Variants in USF2 observed in about 807,000 individuals in gnomAD.
USF2 encodes upstream transcription factor 2, c-fos interacting.
A neutral mutation model predicts 46.9 loss-of-function variants in USF2; 16 were observed. The observed-to-expected ratio is 0.34, with a 90% CI of 0.23 to 0.52. The LOEUF (loss-of-function observed/expected upper bound fraction) is 0.52. USF2 is among the 20% of genes least tolerant of loss of function. USF2 has a pLI of 0.96. For synonymous variants in USF2, 239 were observed against 194.1 expected (o/e 1.23, Z -1.92); for missense variants, 411 against 474.0 (o/e 0.87, Z 1.23).
At position 35,279,534 on chromosome 19, in the gene USF2, G is replaced by A. The variant is rs1017347391; in HGVS notation, c.*278G>A. ...GCACTTCTAGTGGTCTCACCTGGAG[G>A]CAAGAGGGAGGGGACAGAGGCCCTG... On this transcript the variant is annotated 3_prime_UTR_variant, in exon 10 of 10. Transcript: ENST00000222305. The A allele has an allele frequency of 7.3e-6, 3 of 411,064 alleles. No individual in the cohort carries two copies. Among genetic ancestry groups the A allele is most frequent in the African/African-American group, 6.2e-5 (3 of 48,108 alleles). 25.5% of individuals were successfully genotyped at this position (411,064 alleles called of 1,614,324 possible).
chr19:35,271,471 G>A (rs918407721), intron 7 of USF2, among the ~76,000 whole-genome samples: 4 of 152,192 alleles, frequency 2.6e-5, no homozygotes, highest in African/African-American at 2.4e-5. Context: ...CCGGGCTCAC[G>A]TGGGCTGACC....
Position 35,270,449 on chromosome 19 carries a change from T to C in USF2, c.432T>C (p.Ala144=). The C allele has an allele frequency of 6.2e-7, 1 of 1,612,668 alleles. No homozygotes were observed. Among genetic ancestry groups the C allele is most frequent in the Non-Finnish European group, 8.5e-7 (1 of 1,179,572 alleles). ...GCCTCTGCCCTCCTACTCCCCAGGCTGTGATCCAAAATCCCTTCAGCAATG... is the reference window on the plus strand; with the variant it reads ...GCCTCTGCCCTCCTACTCCCCAGGCCGTGATCCAAAATCCCTTCAGCAATG... ...PPGPAAPFPL[A]VIQNPFSNGG... is the part of the protein sequence containing the mutation. Residue 144 remains alanine (A), a splice_region_variant and synonymous_variant, in exon 5 of 10, where the codon GCT becomes GCC. Coordinates refer to ENST00000222305, the MANE Select transcript of USF2 (RefSeq NM_003367.4).
At chr19:35,270,910 GT>G (rs1184542019) in intron 6 of USF2, 105 bp downstream of exon 6, 9 of 1,485,870 alleles carry the variant, frequency 6.1e-6, no homozygotes, top group South Asian at 2.3e-5. Flanking sequence ...ATGGTGTAAT[GT>G]TTTTTTTCTT....
At position 35,279,604 on chromosome 19, in the gene USF2, T is replaced by G; in HGVS notation, c.*348T>G. 3.8e-6 allele frequency: 1 copy of G among 261,058 alleles called. No individual in the cohort carries two copies. The highest frequency in any genetic ancestry group is 7.2e-6 in the Non-Finnish European group (1 of 138,888). 16.2% of individuals were successfully genotyped at this position (261,058 alleles called of 1,614,324 possible). ...GCTCTCTGGAGGTACTGAGACAGGG[T>G]GCTGATGGGAAGGAGGGGAGCCTTT... On this transcript the variant is annotated 3_prime_UTR_variant, in exon 10 of 10. Transcript: ENST00000222305.
rs141403395 is a variant in USF2 at position 35,274,328 on chromosome 19, C to G, written c.727+3187C>G. 4.7e-3 allele frequency among the ~76,000 whole-genome samples: 722 copies of G among 152,342 alleles called. 6 individuals carry two copies. The highest frequency in any genetic ancestry group is 0.02 in the Middle Eastern group (6 of 294). On this transcript the variant is annotated intron_variant, in intron 7 of 9. Transcript: ENST00000222305. ...GCTTTCAACTCTGCCCTCTTCTTCC[C>G]TTATGGCCACAAACCCCAAGTTTCT...
intron 7 of USF2, among the ~76,000 whole-genome samples, chr19:35,273,190 A>G (rs116547937): frequency 1.3e-3 from 194 of 152,246 alleles, no homozygotes; most frequent in African/African-American, 4.5e-3. Flanking sequence ...CTTGCAGAGC[A>G]TCTGCCCCAA....
chr19:35,269,309 CGCCCCCG>C, intron 1 of USF2, 130 bp from the exon 2 acceptor site: 1 of 886,098 alleles, frequency 1.1e-6, no homozygotes, highest in Non-Finnish European at 1.3e-6. Flanking sequence ...TGGCGCCTCC[CGCCCCCG>C]GCCCCCGGCC....
chr19:35,270,418 A>G, intron 4 of USF2, 29 bp from the exon 5 acceptor site: 2 of 1,598,876 alleles, frequency 1.3e-6, no homozygotes, highest in Non-Finnish European at 8.5e-7. Flanking sequence ...GAGAAAGCTA[A>G]GGGTAGCCTC....
chr19:35,275,410 A>G (rs1429948680), intron 7 of USF2: 1 of 143,592 alleles, frequency 7.0e-6, no homozygotes, highest in African/African-American at 2.6e-5. Flanking sequence ...GCACACCCCA[A>G]CCCCAGCTTT....
In USF2 at chr19:35,272,400, AC is replaced by A. The variant is rs147901011; in HGVS notation, c.727+1261del. On this transcript the variant is annotated intron_variant, in intron 7 of 9. Coordinates refer to ENST00000222305, the MANE Select transcript of USF2 (RefSeq NM_003367.4). Reference sequence around the variant, plus strand: ...GACATTGAAGCAGATCCCTGAAGCGACCTGAGGGAAGGGGCCTGTTGAGAAC... The same window carrying A: ...GACATTGAAGCAGATCCCTGAAGCGACTGAGGGAAGGGGCCTGTTGAGAAC... Among the ~76,000 whole-genome samples, 534 of 152,136 alleles carry A rather than the reference AC, an allele frequency of 3.5e-3. 16 individuals carry two copies. The East Asian group carries it at 0.053, about 15-fold the overall frequency.
chr19:35,273,301 G>A (rs956255346), intron 7 of USF2, among the ~76,000 whole-genome samples: 1 of 152,064 alleles, frequency 6.6e-6, no homozygotes, highest in Admixed American at 6.6e-5. Flanking sequence ...ACATCCACTG[G>A]CCTCCTTTGC....
intron 7 of USF2, among the ~76,000 whole-genome samples, chr19:35,271,463 G>A (rs981863527): frequency 6.6e-6 from 1 of 152,132 alleles, no homozygotes; most frequent in Non-Finnish European, 1.5e-5. Context: ...GGGGCTGACC[G>A]GGCTCACGTG....
chr19:35,279,355 C>T lies in USF2; in HGVS notation c.*99C>T. 7.9e-7 allele frequency: 1 copy of T among 1,273,846 alleles called. No individual in the cohort carries two copies. The highest frequency in any genetic ancestry group is 1.8e-5 in the South Asian group (1 of 56,132). 78.9% of individuals were successfully genotyped at this position (1,273,846 alleles called of 1,614,324 possible). On this transcript the variant is annotated 3_prime_UTR_variant, in exon 10 of 10. Coordinates refer to ENST00000222305, the MANE Select transcript of USF2 (RefSeq NM_003367.4). ...AGAGGGACACATGCCCCTCCCCCAG[C>T]TGCGTTTTTTTATAGTAGATTTTTA...
chr19:35,271,938 G>A (rs975098378), intron 7 of USF2, among the ~76,000 whole-genome samples: 5 of 152,152 alleles, frequency 3.3e-5, no homozygotes, highest in African/African-American at 1.2e-4. Context: ...AGGGAGAGGG[G>A]AGTGTGGGTC....
At chr19:35,279,114 C>A (rs1264128059) in intron 9 of USF2, 40 bp downstream of exon 9, 1 of 1,613,132 alleles carries the variant, frequency 6.2e-7, no homozygotes, top group East Asian at 2.2e-5. Flanking sequence ...CCCAGGAGCC[C>A]CAGATGCAAG....
rs747227714 is a variant in USF2, at chr19:35,269,651, C to T, written c.180C>T (p.Gly60=). Reference sequence around the variant, plus strand: ...CCAGCGTCCAGCAGGCGGCGTTCGGCGACCACAACATCCAGTACCAGTTCC... The same window carrying T: ...CCAGCGTCCAGCAGGCGGCGTTCGGTGACCACAACATCCAGTACCAGTTCC... The part of the protein sequence containing the change: ...AITSVQQAAF[G]DHNIQYQFRT... The change falls in exon 3 of 10, where the codon GGC becomes GGT. Residue 60 remains glycine, a synonymous_variant. Coordinates refer to ENST00000222305, the MANE Select transcript of USF2 (RefSeq NM_003367.4). 2.5e-6 allele frequency: 4 copies of T among 1,597,506 alleles called. No homozygotes were observed. The highest frequency in any genetic ancestry group is 2.3e-5 in the East Asian group (1 of 43,828).
At chr19:35,271,203 T>C in intron 7 of USF2, 62 bp downstream of exon 7, 1 of 1,593,866 alleles carries the variant, frequency 6.3e-7, no homozygotes, top group South Asian at 1.1e-5. Context: ...CAGCCAGCCC[T>C]GGAGTGTGGA....
intron 6 of USF2, 132 bp from the exon 7 acceptor site, chr19:35,270,951 A>G: frequency 1.4e-6 from 2 of 1,429,844 alleles, no homozygotes; most frequent in South Asian, 2.4e-5. Context: ...AGTGCACATA[A>G]AGTATCATGT....
intron 1 of USF2, 23 bp from the exon 2 acceptor site, chr19:35,269,423 G>A: frequency 1.4e-6 from 2 of 1,474,528 alleles, no homozygotes; most frequent in African/African-American, 1.5e-5. Flanking sequence ...CGCTGACCCT[G>A]CTCCCTCCTG....
Sources: allele counts gnomAD v4.1 joint callset (sites outside exome capture counted in the v4.1 genomes callset), GRCh38; gene constraint gnomAD v4.1.1; transcripts MANE v1.5; gene names NCBI Gene and HGNC (gene_info 2026-07-23, HGNC 2026-07-21).